The following ITGA9 variants were observed in gnomAD, a reference collection of about 807,000 sequenced individuals.
The protein encoded by ITGA9 is integrin alpha-9.
Under a neutral mutation model 127.8 loss-of-function variants are expected in ITGA9, and 56 were observed. The ratio of observed to expected loss-of-function variants is 0.44; its 90% CI spans 0.35 to 0.55. ITGA9 has a LOEUF of 0.55. ITGA9 is among the 20% of genes least tolerant of loss of function. ITGA9 has a pLI of 0.00. For synonymous variants in ITGA9, 508 were observed against 514.5 expected, an observed-to-expected ratio of 0.99 and a Z score of 0.17; for missense variants, 1,196 against 1,347.1, an observed-to-expected ratio of 0.89 and a Z score of 1.76.
At chr3:37,602,276 AC>A (rs1315326668) in intron 15 of ITGA9, among the ~76,000 whole-genome samples, 3 of 152,174 alleles carry the variant, frequency 2.0e-5, no homozygotes, top group African/African-American at 7.2e-5. Flanking sequence ...ACAAAACAAA[AC>A]AAAAAAAAAA....
At chr3:37,550,859 GT>G (rs34523111) in intron 15 of ITGA9, among the ~76,000 whole-genome samples, 2 of 152,118 alleles carry the variant, frequency 1.3e-5, no homozygotes, top group African/African-American at 2.4e-5. Context: ...TATGTTGAGG[GT>G]TTTTTTGTTG....
At chr3:37,570,259 A>T (rs1699587714) in intron 15 of ITGA9, among the ~76,000 whole-genome samples, 1 of 152,254 alleles carries the variant, frequency 6.6e-6, no homozygotes, top group Admixed American at 6.5e-5. Flanking sequence ...CCTGTGGGTT[A>T]TTCTGGTTGT....
At chr3:37,613,552 A>G (rs183718769) in intron 15 of ITGA9, among the ~76,000 whole-genome samples, 152 of 152,350 alleles carry the variant, frequency 1.0e-3, no homozygotes, top group African/African-American at 3.5e-3. Flanking sequence ...GACTTCCACA[A>G]TGGTTGAACT....
chr3:37,578,238 A>G (rs1699671723), intron 15 of ITGA9, among the ~76,000 whole-genome samples: 1 of 152,132 alleles, frequency 6.6e-6, no homozygotes, highest in Non-Finnish European at 1.5e-5. Flanking sequence ...GAAGTTTTAA[A>G]TGTACTGCAT....
intron 8 of ITGA9, 79 bp from the exon 9 acceptor site, chr3:37,513,684 A>G (rs1579077879): frequency 6.4e-7 from 1 of 1,553,944 alleles, no homozygotes; most frequent in East Asian, 2.3e-5. Context: ...TTCTAAAGCC[A>G]ATGGGGTGGA....
At position 37,488,706 on chromosome 3, in the gene ITGA9, G is replaced by A. The variant is rs139663588; in HGVS notation, c.545-5795G>A. 7.7e-3 allele frequency among the ~76,000 whole-genome samples: 1,175 copies of A among 151,722 alleles called. 15 individuals carry two copies. The highest frequency in any genetic ancestry group is 0.027 in the African/African-American group (1,129 of 41,332). ...CCAGCTACTTGGGAGGGTGAGGCAC[G>A]AGAATCACTGGAACCTGGGAGGCGG... On this transcript the variant is annotated intron_variant, in intron 4 of 27. Transcript: ENST00000264741.
chr3:37,751,799 GAAAC>G (rs1226665004), intron 23 of ITGA9, among the ~76,000 whole-genome samples: 1 of 152,160 alleles, frequency 6.6e-6, no homozygotes, highest in East Asian at 1.9e-4. Context: ...TGGGCTCTGA[GAAAC>G]AAATCCTTTG....
intron 15 of ITGA9, among the ~76,000 whole-genome samples, chr3:37,617,518 A>G (rs1041537507): frequency 1.3e-5 from 2 of 152,170 alleles, no homozygotes; most frequent in African/African-American, 4.8e-5. Context: ...CTGCCTTGCT[A>G]GACTGGGGAA....
chr3:37,627,797 A>G (rs1385374348), intron 15 of ITGA9, among the ~76,000 whole-genome samples: 15 of 152,220 alleles, frequency 9.9e-5, no homozygotes, highest in Admixed American at 7.2e-4. Flanking sequence ...GTCATCAAAA[A>G]GAAGGTGTTC....
intron 24 of ITGA9, among the ~76,000 whole-genome samples, chr3:37,778,606 A>G (rs1429131127): frequency 6.6e-6 from 1 of 151,688 alleles, no homozygotes; most frequent in African/African-American, 2.4e-5. Flanking sequence ...CAACAGAGCA[A>G]GACTCTGTCT....
intron 17 of ITGA9, among the ~76,000 whole-genome samples, chr3:37,668,975 C>G (rs560634736): frequency 3.3e-5 from 5 of 152,188 alleles, no homozygotes. Flanking sequence ...AGCTTGTTTC[C>G]CTGACTGCAT....
chr3:37,777,281 G>T, intron 23 of ITGA9, 111 bp from the exon 24 acceptor site: 1 of 1,243,794 alleles, frequency 8.0e-7, no homozygotes, highest in South Asian at 1.2e-5. Context: ...AAATGGACAA[G>T]GAGGAAAGGT....
chr3:37,528,931 A>C (rs1198624003), intron 13 of ITGA9, among the ~76,000 whole-genome samples: 6 of 152,196 alleles, frequency 3.9e-5, no homozygotes, highest in African/African-American at 1.4e-4. Flanking sequence ...CTCTCCTGAT[A>C]GACAACCACT....
chr3:37,767,038 C>A (rs1352736603), intron 23 of ITGA9, among the ~76,000 whole-genome samples: 1 of 152,200 alleles, frequency 6.6e-6, no homozygotes, highest in Admixed American at 6.5e-5. Flanking sequence ...ACAGGGCAGC[C>A]TGGTGGTGGT....
In ITGA9 at chr3:37,535,957, A is replaced by C. The variant is rs556076083; in HGVS notation, c.1528+2489A>C. Among the ~76,000 whole-genome samples the C allele has an allele frequency of 7.9e-5, 12 of 152,318 alleles. No individual in the cohort carries two copies. The South Asian group carries it at 2.5e-3, about 32-fold the overall frequency. ...AGAGTTTGGGGAGGGAAAAATGGGC[A>C]GGCCTTATGGAAATGTGATAGGAAA... is the stretch of plus-strand genomic sequence containing the variant. On this transcript the variant is annotated intron_variant, in intron 14 of 27. Transcript: ENST00000264741.
At chr3:37,748,651 G>A in intron 22 of ITGA9, 1 of 519,910 alleles carries the variant, frequency 1.9e-6, no homozygotes, top group South Asian at 2.2e-5. Context: ...GGAGGCTGAG[G>A]CAGGGAGAAT....
intron 15 of ITGA9, among the ~76,000 whole-genome samples, chr3:37,599,673 G>A (rs1363670271): frequency 1.3e-5 from 2 of 152,196 alleles, no homozygotes; most frequent in Admixed American, 1.3e-4. Flanking sequence ...GGAGTCCCAT[G>A]GGGCTCTCAA....
intron 15 of ITGA9, among the ~76,000 whole-genome samples, chr3:37,616,120 C>T (rs1254394709): frequency 3.7e-4 from 54 of 147,726 alleles, no homozygotes; most frequent in African/African-American, 5.5e-4. Context: ...AAATTTCCCT[C>T]TACACACTGC....
chr3:37,737,831 C>G (rs1043058307), intron 20 of ITGA9, among the ~76,000 whole-genome samples: 1 of 152,206 alleles, frequency 6.6e-6, no homozygotes, highest in Non-Finnish European at 1.5e-5. Context: ...ATACCCTTTA[C>G]CCAGATTCAC....
Sources: gnomAD v4.1 joint callset for allele counts (sites outside exome capture counted in the v4.1 genomes callset) on GRCh38, gnomAD v4.1.1 for gene constraint, MANE v1.5 for transcripts, NCBI Gene and HGNC (gene_info 2026-07-23, HGNC 2026-07-21) for gene names.